Variants in MACO1 observed in about 807,000 individuals in gnomAD.
MACO1 encodes macoilin.
In MACO1, 14 loss-of-function variants were observed where a neutral mutation model predicts 78.7. The ratio of observed to expected loss-of-function variants is 0.18; its 90% CI spans 0.12 to 0.28. The LOEUF (loss-of-function observed/expected upper bound fraction) is 0.28. Ranked by LOEUF, MACO1 falls within the 10% of genes least tolerant of loss-of-function variation. MACO1 has a pLI of 1.00. For synonymous variants in MACO1, 288 were observed against 291.6 expected, an observed-to-expected ratio of 0.99 and a Z score of 0.12; for missense variants, 501 against 799.0, an observed-to-expected ratio of 0.63 and a Z score of 4.50.
At chr1:25,438,592 A>G (rs976733248) in intron 1 of MACO1, among the ~76,000 whole-genome samples, 6 of 152,362 alleles carry the variant, frequency 3.9e-5, no homozygotes, top group South Asian at 2.1e-4. Context: ...AAAATGGATA[A>G]GGGAAATTCT....
intron 6 of MACO1, among the ~76,000 whole-genome samples, chr1:25,466,639 G>A (rs1334923765): frequency 4.6e-5 from 7 of 152,116 alleles, no homozygotes; most frequent in Non-Finnish European, 8.8e-5. Context: ...AAATCAGTGT[G>A]TTTGTTTTCT....
In MACO1 at chr1:25,464,103, G is replaced by A. The variant is rs560169192; in HGVS notation, c.1154+5211G>A. 3.2e-3 allele frequency among the ~76,000 whole-genome samples: 482 copies of A among 152,192 alleles called. 2 individuals are homozygous for A. The highest frequency in any genetic ancestry group is 4.2e-3 in the Non-Finnish European group (285 of 68,022). ...TTATAATGGCATGTATCTACCTAAT[G>A]TATAATATACAGAGTAGTTTTACTG... On this transcript the variant is annotated intron_variant, in intron 6 of 10. Coordinates refer to ENST00000374343, the MANE Select transcript of MACO1 (RefSeq NM_018202.6).
chr1:25,446,039 G>T (rs1037680622), intron 1 of MACO1, among the ~76,000 whole-genome samples: 1 of 152,132 alleles, frequency 6.6e-6, no homozygotes, highest in Admixed American at 6.6e-5. Context: ...TAACTGGCTT[G>T]TCTGAGTGTT....
At chr1:25,445,870 G>A (rs2124575524) in intron 1 of MACO1, among the ~76,000 whole-genome samples, 1 of 152,246 alleles carries the variant, frequency 6.6e-6, no homozygotes, top group South Asian at 2.1e-4. Flanking sequence ...GCAGGATTAG[G>A]AGCACAGAAA....
chr1:25,473,189 ACT>A (rs1491220895), intron 6 of MACO1, among the ~76,000 whole-genome samples: 5,733 of 122,882 alleles, frequency 0.047, 339 homozygotes, highest in African/African-American at 0.14. Context: ...CTATAGTTTG[ACT>A]CTGTTTATAT....
rs747346736 is a variant in MACO1, at chr1:25,489,195, C to G, written c.1519C>G (p.Arg507Gly). ...AAGGGGAGAATGCACCGAAACCTTACGGAATCGGATCAGAGAACTAGAAGC... is the reference window on the plus strand; with the variant it reads ...AAGGGGAGAATGCACCGAAACCTTAGGGAATCGGATCAGAGAACTAGAAGC... ...ASRGECTETL[R>G]NRIRELEAEG... The change falls in exon 9 of 11, where the codon CGG becomes GGG. Residue 507 changes from arginine (R) to glycine (G), a missense_variant. Physicochemically the swap from Arg to Gly is moderately radical, Grantham distance 125. Coordinates refer to ENST00000374343, the MANE Select transcript of MACO1 (RefSeq NM_018202.6). 4 of 1,613,646 alleles carry G rather than the reference C, an allele frequency of 2.5e-6. No homozygotes were observed. The highest frequency in any genetic ancestry group is 2.7e-5 in the African/African-American group (2 of 74,884).
intron 6 of MACO1, among the ~76,000 whole-genome samples, chr1:25,480,967 T>G (rs1288567577): frequency 1.5e-5 from 2 of 133,062 alleles, no homozygotes; most frequent in Admixed American, 7.7e-5. Flanking sequence ...TATATATATA[T>G]ATATATATTT....
At chr1:25,495,637 A>G (rs2043528886) in intron 10 of MACO1, among the ~76,000 whole-genome samples, 1 of 151,742 alleles carries the variant, frequency 6.6e-6, no homozygotes, top group Non-Finnish European at 1.5e-5. Context: ...TCTCCTTCCT[A>G]CTCTCTATAT....
At chr1:25,488,129 A>G (rs1253619690) in intron 8 of MACO1, among the ~76,000 whole-genome samples, 1 of 152,214 alleles carries the variant, frequency 6.6e-6, no homozygotes, top group Non-Finnish European at 1.5e-5. Flanking sequence ...ATAGCTTACT[A>G]TAACCTGAAA....
rs893898162 is a variant in MACO1 at position 25,431,076 on chromosome 1, G to C, written c.-23G>C. The C allele has an allele frequency of 6.4e-7, 1 of 1,564,400 alleles. No homozygotes were observed. The highest frequency in any genetic ancestry group is 8.6e-7 in the Non-Finnish European group (1 of 1,158,230). On this transcript the variant is annotated 5_prime_UTR_variant, in exon 1 of 11. Transcript: ENST00000374343. ...GTGAGAGACGGCGGCGGCGGCGCGGGCACCCGGCCCCCCAGCGGGAGGATG... is the reference window on the plus strand; with the variant it reads ...GTGAGAGACGGCGGCGGCGGCGCGGCCACCCGGCCCCCCAGCGGGAGGATG...
chr1:25,439,557 C>G (rs896574390), intron 1 of MACO1, among the ~76,000 whole-genome samples: 2 of 152,104 alleles, frequency 1.3e-5, no homozygotes, highest in African/African-American at 2.4e-5. Flanking sequence ...AAATATAGAA[C>G]AGCTTGGTCT....
At chr1:25,491,692 C>CT (rs2043487478) in intron 10 of MACO1, 108 bp downstream of exon 10, 1 of 845,988 alleles carries the variant, frequency 1.2e-6, no homozygotes, top group Admixed American at 2.7e-5. Flanking sequence ...TCAGTTTTCT[C>CT]TTCAAGAGTC....
chr1:25,495,754 G>A (rs1376023313), intron 10 of MACO1, among the ~76,000 whole-genome samples: 1 of 152,176 alleles, frequency 6.6e-6, no homozygotes, highest in Non-Finnish European at 1.5e-5. Context: ...ACAAGGTCAA[G>A]AGATCGAGAC....
At chr1:25,438,847 C>T (rs1452448425) in intron 1 of MACO1, among the ~76,000 whole-genome samples, 4 of 151,576 alleles carry the variant, frequency 2.6e-5, no homozygotes, top group Admixed American at 6.6e-5. Context: ...TGCAGTGAGT[C>T]GAGATTGTGC....
At chr1:25,433,955 G>C (rs1413413992) in intron 1 of MACO1, among the ~76,000 whole-genome samples, 1 of 152,154 alleles carries the variant, frequency 6.6e-6, no homozygotes, top group Admixed American at 6.5e-5. Flanking sequence ...CAAAACAAAG[G>C]GTCAGTTGCT....
chr1:25,452,748 G>T (rs1226441550), intron 3 of MACO1, among the ~76,000 whole-genome samples: 1 of 149,004 alleles, frequency 6.7e-6, no homozygotes, highest in East Asian at 2.0e-4. Flanking sequence ...CCAGGCTTGA[G>T]TGCAGTGGCG....
chr1:25,432,114 G>A (rs1271960985), intron 1 of MACO1, among the ~76,000 whole-genome samples: 1 of 152,176 alleles, frequency 6.6e-6, no homozygotes, highest in African/African-American at 2.4e-5. Flanking sequence ...TACAGATTTC[G>A]GTGGAGAAGT....
chr1:25,493,869 A>G lies in MACO1; in HGVS notation c.1792+2285A>G, dbSNP rs527937862. ...TGCCTCAGCCTCCCGAGTAGCTGGGACTACGGCGCCCGCCACCACACCCGG... is the reference window on the plus strand; with the variant it reads ...TGCCTCAGCCTCCCGAGTAGCTGGGGCTACGGCGCCCGCCACCACACCCGG... On this transcript the variant is annotated intron_variant, in intron 10 of 10. Transcript: ENST00000374343. Among the ~76,000 whole-genome samples, 715 of 151,352 alleles carry G rather than the reference A, an allele frequency of 4.7e-3. 3 individuals are homozygous for G. The highest frequency in any genetic ancestry group is 8.4e-3 in the Non-Finnish European group (569 of 67,928).
chr1:25,454,903 A>T (rs1359471082), intron 4 of MACO1, among the ~76,000 whole-genome samples: 1 of 152,180 alleles, frequency 6.6e-6, no homozygotes, highest in Non-Finnish European at 1.5e-5. Context: ...TGGAAAGACC[A>T]TGAGCCCCCC....
Sources: gnomAD v4.1 joint callset for allele counts (sites outside exome capture counted in the v4.1 genomes callset) on GRCh38, gnomAD v4.1.1 for gene constraint, MANE v1.5 for transcripts, NCBI Gene and HGNC (gene_info 2026-07-23, HGNC 2026-07-21) for gene names.